The following CENPE variants were observed in gnomAD, a reference collection of about 807,000 sequenced individuals.
CENPE encodes the protein centromere-associated protein E.
Under a neutral mutation model 336.1 loss-of-function variants are expected in CENPE, and 145 were observed. The observed-to-expected ratio is 0.43, with a 90% CI of 0.38 to 0.50. The LOEUF (loss-of-function observed/expected upper bound fraction) is 0.50, where lower values mean the gene tolerates loss of function less well. CENPE is among the 20% of genes least tolerant of loss of function. The pLI is 0.00. For missense variants in CENPE, 2,719 were observed against 3,023.3 expected (o/e 0.90, Z 2.36); for synonymous variants, 1,013 against 984.8 (o/e 1.03, Z -0.54).
chr4:103,143,600 A>T (rs1200178824), intron 33 of CENPE, among the ~76,000 whole-genome samples, 194 bp from the exon 34 acceptor site: 1 of 146,598 alleles, frequency 6.8e-6, no homozygotes, highest in Non-Finnish European at 1.5e-5. Flanking sequence ...CTAACAGGAC[A>T]CTTCACCCTT....
At chr4:103,147,797 G>C (rs543808676) in intron 28 of CENPE, 151 bp from the exon 29 acceptor site, 2 of 645,698 alleles carry the variant, frequency 3.1e-6, no homozygotes, top group East Asian at 5.5e-5. Flanking sequence ...GGGTTCAAGA[G>C]ATTCTCCTGT....
chr4:103,176,990 G>C lies in CENPE; in HGVS notation c.1299C>G (p.Asn433Lys). Reference protein sequence around the residue: ...WCLGKINKMKNSNYADQFNIP... With the variant: ...WCLGKINKMKKSNYADQFNIP... The stretch of plus-strand genomic sequence containing the variant: ...TATTAAATTGATCTGCATAGTTTGA[G>C]TTCTTCATTTTGTTAATTTTGCCAA... Residue 433 changes from asparagine to lysine, a missense_variant, in exon 14 of 49, where the codon AAC becomes AAG. This residue lies in a region of CENPE where 2,437 missense variants were observed against 2,513.3 expected (regional missense o/e 0.97). Transcript: ENST00000265148. 7 of 1,608,066 alleles carry C rather than the reference G, an allele frequency of 4.4e-6. No individual in the cohort carries two copies. Among genetic ancestry groups the C allele is most frequent in the Non-Finnish European group, 5.1e-6 (6 of 1,177,512 alleles).
intron 42 of CENPE, among the ~76,000 whole-genome samples, chr4:103,123,410 C>A (rs1207581444): frequency 1.3e-5 from 2 of 151,936 alleles, no homozygotes; most frequent in Non-Finnish European, 2.9e-5. Context: ...TCCAAGTAAC[C>A]CTTATTTTAA....
At position 103,161,327 on chromosome 4, in the gene CENPE, ATACT is replaced by A. The variant is rs760226594; in HGVS notation, c.1965+4_1965+7del. On this transcript the variant is annotated splice_donor_5th_base_variant and intron_variant, in intron 19 of 48. Transcript: ENST00000265148. ...TACTTTATTATAAATATTACAAAAA[ATACT>A]TACCATTTTCTCCTTCAGCTCCAGA... 161 of 1,607,746 alleles carry A rather than the reference ATACT, an allele frequency of 1.0e-4. No homozygotes were observed. The highest frequency in any genetic ancestry group is 1.3e-4 in the Non-Finnish European group (152 of 1,177,926).
chr4:103,119,148 A>AC (rs2125860181), intron 44 of CENPE, among the ~76,000 whole-genome samples: 1 of 152,158 alleles, frequency 6.6e-6, no homozygotes, highest in African/African-American at 2.4e-5. Flanking sequence ...ACTTTTCACC[A>AC]CTTGAGATAT....
At chr4:103,168,166 C>G (rs1028380520) in intron 16 of CENPE, among the ~76,000 whole-genome samples, 7 of 152,180 alleles carry the variant, frequency 4.6e-5, no homozygotes, top group Admixed American at 3.9e-4. Flanking sequence ...GCCACTGGGT[C>G]AGGCTTGCAG....
intron 23 of CENPE, 74 bp downstream of exon 23, chr4:103,158,540 A>C: frequency 6.6e-7 from 1 of 1,512,984 alleles, no homozygotes; most frequent in Non-Finnish European, 8.9e-7. Context: ...CATAATCATA[A>C]ATAATAAATG....
In CENPE at chr4:103,194,619, C is replaced by G. The variant is rs1423741075; in HGVS notation, c.543G>C (p.Trp181Cys). 1 of 1,607,248 alleles carries G rather than the reference C, an allele frequency of 6.2e-7. No homozygotes were observed. The highest frequency in any genetic ancestry group is 1.7e-5 in the Admixed American group (1 of 59,244). The part of the protein sequence containing the change: ...VVYTSEMALK[W>C]ITKGEKSRHY... ...AAGTCTTACTTTCTCCCTTTGTAATCCATTTCAAAGCCATTTCTGATGTAT... is the reference window on the plus strand; with the variant it reads ...AAGTCTTACTTTCTCCCTTTGTAATGCATTTCAAAGCCATTTCTGATGTAT... The change falls in exon 6 of 49, where the codon TGG becomes TGC. Residue 181 changes from tryptophan (W) to cysteine (C), a missense_variant. By Grantham distance (215) the Trp-to-Cys change is radical. This residue lies in a region of CENPE where 106 missense variants were observed against 189.3 expected (regional missense o/e 0.56). Transcript: ENST00000265148.
intron 18 of CENPE, 105 bp from the exon 19 acceptor site, chr4:103,161,562 G>A (rs1266383386): frequency 2.6e-5 from 24 of 918,898 alleles, no homozygotes; most frequent in South Asian, 3.5e-5. Context: ...ATCAAAAAGC[G>A]TACAAATATG....
chr4:103,191,556 C>G (rs773652461), intron 8 of CENPE, among the ~76,000 whole-genome samples: 1 of 150,606 alleles, frequency 6.6e-6, no homozygotes, highest in African/African-American at 2.4e-5. Context: ...GGACAAAAAA[C>G]CAAACACCGC....
At position 103,138,519 on chromosome 4, in the gene CENPE, C is replaced by G. The variant is rs1410219107; in HGVS notation, c.6205-70G>C. On this transcript the variant is annotated intron_variant, in intron 38 of 48. Transcript: ENST00000265148. ...TATTCACATATAATGTCTAATCGCA[C>G]ACTTCTAAATTACATGACATTTCAA... The G allele has an allele frequency of 4.1e-5, 39 of 953,664 alleles. No individual in the cohort carries two copies. The Admixed American group carries it at 7.0e-4, about 17-fold the overall frequency. The allele number at this position is 953,664 out of a possible 1,614,324, so 59.1% of individuals were successfully genotyped here. A position where few individuals can be genotyped will look rare whatever the true frequency, so the allele number is the denominator to read the frequency against.
intron 44 of CENPE, 140 bp from the exon 45 acceptor site, chr4:103,116,829 A>G (rs993302113): frequency 2.0e-5 from 10 of 490,270 alleles, no homozygotes; most frequent in Non-Finnish European, 3.2e-5. Flanking sequence ...AAAAGCATCA[A>G]TTTTAACTGA....
At chr4:103,125,764 C>A (rs1751034099) in intron 42 of CENPE, among the ~76,000 whole-genome samples, 1 of 149,726 alleles carries the variant, frequency 6.7e-6, no homozygotes, top group Non-Finnish European at 1.5e-5. Flanking sequence ...ACTCGGGAGG[C>A]TGAGGCAAGA....
At chr4:103,123,596 AT>A (rs760757496) in intron 42 of CENPE, among the ~76,000 whole-genome samples, 2 of 152,208 alleles carry the variant, frequency 1.3e-5, no homozygotes, top group Non-Finnish European at 2.9e-5. Flanking sequence ...TATCCGTGGA[AT>A]TGTGAAGAAG....
intron 11 of CENPE, among the ~76,000 whole-genome samples, chr4:103,182,515 G>C (rs1434097421): frequency 6.6e-6 from 1 of 152,120 alleles, no homozygotes; most frequent in African/African-American, 2.4e-5. Flanking sequence ...AGTACAAAAA[G>C]TGAGTTATTT....
chr4:103,135,268 C>A (rs537672133), intron 40 of CENPE, among the ~76,000 whole-genome samples: 7 of 152,288 alleles, frequency 4.6e-5, no homozygotes, highest in African/African-American at 1.7e-4. Flanking sequence ...TCCTGCCAAA[C>A]CTCAAACTCA....
At chr4:103,193,265 C>T (rs1299068211) in intron 8 of CENPE, among the ~76,000 whole-genome samples, 1 of 151,890 alleles carries the variant, frequency 6.6e-6, no homozygotes. Context: ...GATGAGAAAA[C>T]TAAAGAGGTT....
intron 8 of CENPE, among the ~76,000 whole-genome samples, chr4:103,191,200 G>GAA (rs1307599470): frequency 2.6e-5 from 4 of 152,308 alleles, no homozygotes; most frequent in African/African-American, 9.6e-5. Context: ...CTGTTGGTGG[G>GAA]ACTGTAAACT....
intron 42 of CENPE, among the ~76,000 whole-genome samples, chr4:103,128,628 A>G (rs1751330195): frequency 6.6e-6 from 1 of 152,248 alleles, no homozygotes; most frequent in South Asian, 2.1e-4. Flanking sequence ...TCTAAATAAC[A>G]TACGGGTCAC....
Sources: gnomAD v4.1 joint callset for allele counts (sites outside exome capture counted in the v4.1 genomes callset) on GRCh38, gnomAD v4.1.1 for gene constraint, gnomAD v4.1.1 regional missense constraint, MANE v1.5 for transcripts, NCBI Gene and HGNC (gene_info 2026-07-23, HGNC 2026-07-21) for gene names.